The following PCDHA1 variants were observed in gnomAD, a reference collection of about 807,000 sequenced individuals.
The protein encoded by PCDHA1 is protocadherin alpha-1.
Under a neutral mutation model 61.3 loss-of-function variants are expected in PCDHA1, and 42 were observed. That is an observed-to-expected ratio of 0.69 (90% confidence interval 0.54 to 0.89). PCDHA1 has a LOEUF of 0.89. PCDHA1 is among the 40% of genes least tolerant of loss of function. The pLI is 0.00. For missense variants in PCDHA1, 1,256 were observed against 1,235.3 expected (o/e 1.02, Z -0.25); for synonymous variants, 610 against 553.8 (o/e 1.10, Z -1.43).
intron 1 of PCDHA1, chr5:140,883,270 T>C: frequency 6.2e-7 from 1 of 1,614,106 alleles, no homozygotes; most frequent in Non-Finnish European, 8.5e-7. Flanking sequence ...CGGGTCATTG[T>C]ACCCTTTTGG....
chr5:140,850,459 G>A (rs2150485191), intron 1 of PCDHA1: 2 of 1,598,012 alleles, frequency 1.3e-6, no homozygotes, highest in South Asian at 2.2e-5. Context: ...AAAGACCACG[G>A]GGAGCCAGCG....
intron 1 of PCDHA1, chr5:140,882,209 A>G (rs781846726): frequency 5.2e-6 from 8 of 1,531,724 alleles, no homozygotes; most frequent in Non-Finnish European, 7.0e-6. Context: ...GCCTTGAGAG[A>G]CAGTTTGAGG....
intron 1 of PCDHA1, chr5:140,850,246 C>A: frequency 1.9e-6 from 3 of 1,593,138 alleles, no homozygotes; most frequent in Non-Finnish European, 2.6e-6. Flanking sequence ...GTGCTGCGGT[C>A]GGTGGGCGCC....
chr5:140,848,256 A>T, intron 1 of PCDHA1: 1 of 476,798 alleles, frequency 2.1e-6, no homozygotes, highest in Admixed American at 3.8e-5. Context: ...ATAACTGTGA[A>T]ATTTTTATTC....
intron 1 of PCDHA1, chr5:140,929,480 G>T: frequency 8.4e-7 from 1 of 1,195,420 alleles, no homozygotes; most frequent in Non-Finnish European, 1.1e-6. Flanking sequence ...TGGAAGTATA[G>T]AAGTATTAGA....
chr5:140,849,589 T>G, intron 1 of PCDHA1: 1 of 1,598,710 alleles, frequency 6.3e-7, no homozygotes, highest in Non-Finnish European at 8.6e-7. Context: ...GACGCACAAC[T>G]GGGGACAGTT....
intron 1 of PCDHA1, among the ~76,000 whole-genome samples, chr5:140,881,802 G>A (rs1239090795): frequency 1.3e-5 from 2 of 152,182 alleles, no homozygotes; most frequent in Admixed American, 6.5e-5. Context: ...CCCAAAACGA[G>A]TGTCGAATAT....
chr5:140,900,252 AG>A (rs2067859572), intron 1 of PCDHA1, among the ~76,000 whole-genome samples: 1 of 152,096 alleles, frequency 6.6e-6, no homozygotes, highest in South Asian at 2.1e-4. Flanking sequence ...ATGGCTGAAT[AG>A]TACTCCATTG....
At chr5:140,836,897 G>A (rs1466903226) in intron 1 of PCDHA1, 3 of 603,578 alleles carry the variant, frequency 5.0e-6, no homozygotes, top group South Asian at 2.7e-5. Flanking sequence ...TTGGAAGTAC[G>A]TTTAATATAC....
chr5:140,791,180 T>G (rs1761628641), intron 1 of PCDHA1, among the ~76,000 whole-genome samples: 1 of 152,248 alleles, frequency 6.6e-6, no homozygotes, highest in African/African-American at 2.4e-5. Flanking sequence ...ACTACCGATA[T>G]TCCTCTGAGA....
chr5:140,855,986 G>C (rs191873949), intron 1 of PCDHA1: 4 of 1,477,690 alleles, frequency 2.7e-6, no homozygotes, highest in Middle Eastern at 1.8e-4. Context: ...GACAGAAAAT[G>C]TCAGATCGTA....
rs2052480735 is a variant in PCDHA1 at position 140,870,867 on chromosome 5, C to A, written c.2394+82183C>A. 5 of 1,613,908 alleles carry A rather than the reference C, an allele frequency of 3.1e-6. No individual in the cohort carries two copies. The East Asian group carries it at 8.9e-5, about 29-fold the overall frequency. ...TACCGCGGTCGGTGGGTGCGGGCCACGTGGTGGCGAAGGTGCGCGCAGTGG... is the reference window on the plus strand; with the variant it reads ...TACCGCGGTCGGTGGGTGCGGGCCAAGTGGTGGCGAAGGTGCGCGCAGTGG... On this transcript the variant is annotated intron_variant, in intron 1 of 3. Transcript: ENST00000504120.
chr5:140,788,904 A>G, intron 1 of PCDHA1: 1 of 1,131,904 alleles, frequency 8.8e-7, no homozygotes, highest in South Asian at 2.5e-5. Flanking sequence ...TTCTTGATTT[A>G]AATGGCAGGT....
At position 140,797,159 on chromosome 5, in the gene PCDHA1, G is replaced by T. The variant is rs781899428; in HGVS notation, c.2394+8475G>T. ...TCGGTGCCACCCACCGAGGGTGCGC[G>T]CGCGCCAGGAAAGCCCACGCTGGTG... On this transcript the variant is annotated intron_variant, in intron 1 of 3. Coordinates refer to ENST00000504120, the MANE Select transcript of PCDHA1 (RefSeq NM_018900.4). The T allele has an allele frequency of 6.2e-7, 1 of 1,613,998 alleles. No individual in the cohort carries two copies. The highest frequency in any genetic ancestry group is 2.2e-5 in the East Asian group (1 of 44,868).
chr5:140,888,275 G>A (rs974764035), intron 1 of PCDHA1, among the ~76,000 whole-genome samples: 1 of 152,056 alleles, frequency 6.6e-6, no homozygotes, highest in African/African-American at 2.4e-5. Context: ...AAACAGTTTT[G>A]TCCCCTCTAC....
intron 1 of PCDHA1, among the ~76,000 whole-genome samples, chr5:140,961,915 G>A (rs1393178053): frequency 2.0e-5 from 3 of 147,010 alleles, no homozygotes; most frequent in East Asian, 4.0e-4. Context: ...ATGGAGTCTC[G>A]CTCTGTTGCC....
chr5:140,883,555 C>T, intron 1 of PCDHA1: 3 of 1,614,168 alleles, frequency 1.9e-6, no homozygotes, highest in Non-Finnish European at 2.5e-6. Context: ...CCGCGCGGGA[C>T]GGGGGCTCGC....
At chr5:140,962,223 A>G (rs951247075) in intron 1 of PCDHA1, among the ~76,000 whole-genome samples, 8 of 152,160 alleles carry the variant, frequency 5.3e-5, no homozygotes, top group Admixed American at 3.9e-4. Flanking sequence ...CTTGAGGTTC[A>G]AGTTTCACTT....
At position 140,900,569 on chromosome 5, in the gene PCDHA1, A is replaced by AC. The variant is rs201845192; in HGVS notation, c.2395-78378dup. 8.0e-3 allele frequency among the ~76,000 whole-genome samples: 1,218 copies of AC among 152,298 alleles called. 6 individuals carry two copies. Among genetic ancestry groups the AC allele is most frequent in the African/African-American group, 0.019 (786 of 41,566 alleles). On this transcript the variant is annotated intron_variant, in intron 1 of 3. Coordinates refer to ENST00000504120, the MANE Select transcript of PCDHA1 (RefSeq NM_018900.4). The stretch of plus-strand genomic sequence containing the variant: ...TGGGATTACAGGCGTGAGCCACGGC[A>AC]CCGGCCCATTTTCTTTACCCGTTCA...
Sources: allele counts gnomAD v4.1 joint callset (sites outside exome capture counted in the v4.1 genomes callset), GRCh38; gene constraint gnomAD v4.1.1; transcripts MANE v1.5; gene names NCBI Gene and HGNC (gene_info 2026-07-23, HGNC 2026-07-21).